The following CPEB3 variants were observed in gnomAD, a reference collection of about 807,000 sequenced individuals.
The protein encoded by CPEB3 is cytoplasmic polyadenylation element binding protein 3, also known as cytoplasmic polyadenylation element-binding protein 3.
CPEB3 carries 20 observed loss-of-function variants against 67.2 expected under a neutral mutation model. The ratio of observed to expected loss-of-function variants is 0.30; its 90% CI spans 0.21 to 0.43. The LOEUF is 0.43. CPEB3 is among the 20% of genes least tolerant of loss of function. The pLI is 1.00. For synonymous variants in CPEB3, 376 were observed against 393.1 expected, an observed-to-expected ratio of 0.96 and a Z score of 0.51; for missense variants, 746 against 968.6, an observed-to-expected ratio of 0.77 and a Z score of 3.05.
At position 92,048,869 on chromosome 10, in the gene CPEB3, AAATT is replaced by A. The variant is rs560037652; in HGVS notation, c.*3339_*3342del. On this transcript the variant is annotated 3_prime_UTR_variant, in exon 10 of 10. Coordinates refer to ENST00000265997, the MANE Select transcript of CPEB3 (RefSeq NM_014912.5). This position sits in a 1 kb window ranked among gnomAD's most constrained non-coding sequence, Gnocchi z 4.1. ...AAACTTTTAAAGAATTAGCATCATA[AAATT>A]AATTTATTCCAATAAAAATACAAAA... 1.1e-3 allele frequency: 165 copies of A among 152,662 alleles called. No homozygotes were observed. Among genetic ancestry groups the A allele is most frequent in the Non-Finnish European group, 2.0e-3 (134 of 68,046 alleles). 9.5% of individuals were successfully genotyped at this position (152,662 alleles called of 1,614,324 possible).
At chr10:92,188,775 A>G (rs906913657) in intron 3 of CPEB3, among the ~76,000 whole-genome samples, 2 of 152,200 alleles carry the variant, frequency 1.3e-5, no homozygotes, top group Non-Finnish European at 2.9e-5. Context: ...TTAAATATGC[A>G]TTCTGTGATC....
In CPEB3 at chr10:92,070,853, T is replaced by TA. The variant is rs56263574; in HGVS notation, c.1869+10466dup. Among the ~76,000 whole-genome samples, 977 of 144,584 alleles carry TA rather than the reference T, an allele frequency of 6.8e-3. 6 individuals are homozygous for TA. The highest frequency in any genetic ancestry group is 9.5e-3 in the Non-Finnish European group (629 of 66,142). The allele number at this position is 144,584 out of a possible 152,430, so 94.9% of individuals were successfully genotyped here. ...ATAAGCTTCAAGTCAGTGACAGGTT[T>TA]AAAAAAAAAAAAAAAACTCAAATAA... is the stretch of plus-strand genomic sequence containing the variant. On this transcript the variant is annotated intron_variant, in intron 9 of 9. Coordinates refer to ENST00000265997, the MANE Select transcript of CPEB3 (RefSeq NM_014912.5).
At position 92,250,858 on chromosome 10, in the gene CPEB3, A is replaced by AGTT. The variant is rs1454105127; in HGVS notation, c.-11-10498_-11-10497insAAC. Among the ~76,000 whole-genome samples, 86 of 104,116 alleles carry AGTT rather than the reference A, an allele frequency of 8.3e-4. 2 individuals are homozygous for AGTT. Among genetic ancestry groups the AGTT allele is most frequent in the Middle Eastern group, 0.014 (2 of 142 alleles). 68.3% of individuals were successfully genotyped at this position (104,116 alleles called of 152,430 possible). On this transcript the variant is annotated intron_variant, in intron 1 of 9. Coordinates refer to ENST00000265997, the MANE Select transcript of CPEB3 (RefSeq NM_014912.5). ...GCGCCTGCCACCACACACACAGTTA[A>AGTT]TTTTTTTTTTTTTTTTTTTTTTTTT...
intron 2 of CPEB3, among the ~76,000 whole-genome samples, chr10:92,202,352 A>G (rs2134253333): frequency 6.6e-6 from 1 of 152,112 alleles, no homozygotes; most frequent in Admixed American, 6.6e-5. Context: ...TTATAAAACA[A>G]TGTTATTTAT....
Position 92,110,954 on chromosome 10 carries a change from G to T in CPEB3, c.1572+122C>A, listed in dbSNP as rs1051124411. The T allele has an allele frequency of 1.7e-5, 13 of 774,526 alleles. No individual in the cohort carries two copies. In the African/African-American group the frequency reaches 2.1e-4, roughly 12 times the overall value. 48.0% of individuals were successfully genotyped at this position (774,526 alleles called of 1,614,324 possible). On this transcript the variant is annotated intron_variant, in intron 7 of 9. Coordinates refer to ENST00000265997, the MANE Select transcript of CPEB3 (RefSeq NM_014912.5). ...AACGAAAGTCCAACTCTACTGCATA[G>T]CAAGGCCAAGCTGGGTAAGAGGATC...
At chr10:92,253,466 A>C (rs1852387599) in intron 1 of CPEB3, among the ~76,000 whole-genome samples, 1 of 147,118 alleles carries the variant, frequency 6.8e-6, no homozygotes, top group Non-Finnish European at 1.5e-5. Context: ...CTCAAAACAA[A>C]AAAAAAAAAA....
intron 2 of CPEB3, chr10:92,216,546 A>G: frequency 1.9e-6 from 3 of 1,612,724 alleles, no homozygotes; most frequent in Non-Finnish European, 2.5e-6. Context: ...AAATTTGTCA[A>G]CAAAGGAGAA....
intron 8 of CPEB3, among the ~76,000 whole-genome samples, chr10:92,090,021 A>G (rs1245768029): frequency 6.6e-6 from 1 of 152,224 alleles, no homozygotes; most frequent in Non-Finnish European, 1.5e-5. Flanking sequence ...GATTTACAGA[A>G]GAAAAATGAT....
chr10:92,115,830 CA>C (rs979728205), intron 6 of CPEB3, among the ~76,000 whole-genome samples: 4 of 151,180 alleles, frequency 2.6e-5, no homozygotes, highest in Non-Finnish European at 4.4e-5. Context: ...TGTGAAAAAA[CA>C]AAAAAAAATT....
chr10:92,118,585 C>A, intron 6 of CPEB3: 1 of 333,520 alleles, frequency 3.0e-6, no homozygotes, highest in Non-Finnish European at 5.7e-6. Flanking sequence ...ATATAAAAGA[C>A]AAAAAGCCTA....
chr10:92,278,558 T>C (rs760602590), intron 1 of CPEB3, among the ~76,000 whole-genome samples: 10 of 152,058 alleles, frequency 6.6e-5, no homozygotes, highest in Non-Finnish European at 8.8e-5. Context: ...TTTTTGCACA[T>C]TGAGCTTATA....
intron 6 of CPEB3, among the ~76,000 whole-genome samples, chr10:92,139,391 C>T (rs1198321319): frequency 6.6e-6 from 1 of 151,264 alleles, no homozygotes. Flanking sequence ...ATGGATGGAA[C>T]TGGAGGACAT....
intron 6 of CPEB3, among the ~76,000 whole-genome samples, chr10:92,121,562 G>T (rs1323528317): frequency 6.6e-6 from 1 of 150,604 alleles, no homozygotes; most frequent in Non-Finnish European, 1.5e-5. Context: ...AAAACTACAA[G>T]GTCTCCCATT....
chr10:92,211,266 C>T (rs1459454698), intron 2 of CPEB3, among the ~76,000 whole-genome samples: 1 of 152,070 alleles, frequency 6.6e-6, no homozygotes, highest in African/African-American at 2.4e-5. Flanking sequence ...GAAGTGAAGG[C>T]TTAGTCTGGT....
chr10:92,260,887 G>A (rs1852767794), intron 1 of CPEB3, among the ~76,000 whole-genome samples: 1 of 152,180 alleles, frequency 6.6e-6, no homozygotes, highest in Admixed American at 6.5e-5. Context: ...GGGATTACAG[G>A]CGTGAGCCAC....
At chr10:92,101,731 A>AC (rs1399977743) in intron 7 of CPEB3, among the ~76,000 whole-genome samples, 7 of 152,128 alleles carry the variant, frequency 4.6e-5, no homozygotes, top group South Asian at 2.1e-4. Flanking sequence ...ACTTGGTGAA[A>AC]CCCCCATCTC....
intron 7 of CPEB3, among the ~76,000 whole-genome samples, chr10:92,100,632 C>G (rs1194948080): frequency 6.6e-6 from 1 of 151,896 alleles, no homozygotes; most frequent in Non-Finnish European, 1.5e-5. Context: ...CGCTCTGTAG[C>G]CCAGGCTAGA....
At chr10:92,063,127 C>T (rs985135177) in intron 9 of CPEB3, among the ~76,000 whole-genome samples, 1 of 152,062 alleles carries the variant, frequency 6.6e-6, no homozygotes. Flanking sequence ...GAAAGCCATA[C>T]TTTTTAACAA....
At chr10:92,112,441 G>A (rs547365351) in intron 6 of CPEB3, among the ~76,000 whole-genome samples, 7 of 152,220 alleles carry the variant, frequency 4.6e-5, no homozygotes, top group African/African-American at 1.2e-4. Flanking sequence ...CACCACGCCC[G>A]GCCCCAGGTT....
Sources: gnomAD v4.1 joint callset for allele counts (sites outside exome capture counted in the v4.1 genomes callset) on GRCh38, gnomAD v4.1.1 for gene constraint, Gnocchi (gnomAD v3.1) non-coding constraint, MANE v1.5 for transcripts, NCBI Gene and HGNC (gene_info 2026-07-23, HGNC 2026-07-21) for gene names.